ZNF671: variants seen among roughly 807,000 people sequenced by gnomAD.
The protein encoded by ZNF671 is hypothetical protein FLJ23506.
A neutral mutation model predicts 16.6 loss-of-function variants in ZNF671; 19 were observed. That is an observed-to-expected ratio of 1.14 (90% CI 0.80 to 1.68). The LOEUF (loss-of-function observed/expected upper bound fraction) is 1.68. Among genes scored for constraint, ZNF671 ranks in the 40% most tolerant of loss-of-function variants. The pLI is 0.00. For missense variants in ZNF671, 637 were observed against 659.8 expected (o/e 0.97, Z 0.38); for synonymous variants, 238 against 236.3 (o/e 1.01, Z -0.06).
intron 1 of ZNF671, among the ~76,000 whole-genome samples, chr19:57,725,309 CA>C (rs2122468756): frequency 6.6e-6 from 1 of 151,028 alleles, no homozygotes; most frequent in East Asian, 2.0e-4. Context: ...ACCAAAAATA[CA>C]AACAAATTAG....
At chr19:57,727,232 C>G in intron 1 of ZNF671, 159 bp downstream of exon 1, 1 of 1,063,312 alleles carries the variant, frequency 9.4e-7, no homozygotes. Flanking sequence ...CCTTTACCTG[C>G]GCCGTCCCCT....
Position 57,721,385 on chromosome 19 carries a change from A to G in ZNF671, c.701T>C (p.Val234Ala), listed in dbSNP as rs759149305. 6.2e-7 allele frequency: 1 copy of G among 1,614,062 alleles called. No homozygotes were observed. Among genetic ancestry groups the G allele is most frequent in the Non-Finnish European group, 8.5e-7 (1 of 1,179,996 alleles). The stretch of plus-strand genomic sequence containing the variant: ...TGTGAGGGTCTTCTCTGGCACATGG[A>G]CTCTGCAGCTTTTCACAGAGTCTCT... ...EGRDSVKSCR[V>A]HVPEKTLTCG... The change falls in exon 4 of 4, where the codon GTC (valine) becomes GCC (alanine). Residue 234 changes from valine (V) to alanine (A), a missense_variant. Coordinates refer to ENST00000317398, the MANE Select transcript of ZNF671 (RefSeq NM_024833.3).
chr19:57,723,135 A>C (rs1395538609), intron 2 of ZNF671, 79 bp downstream of exon 2: 1 of 1,512,132 alleles, frequency 6.6e-7, no homozygotes. Context: ...ACTCCAGGAA[A>C]CTGGTGAAGG....
At position 57,720,202 on chromosome 19, in the gene ZNF671, T is replaced by C. The variant is rs1297954448; in HGVS notation, c.*279A>G. The stretch of plus-strand genomic sequence containing the variant: ...TCACAGGGAATCTCCCCAGTGGGAA[T>C]GTCCATATCTATGAAGTTTCACTTC... On this transcript the variant is annotated 3_prime_UTR_variant, in exon 4 of 4. Transcript: ENST00000317398. 5 of 463,268 alleles carry C rather than the reference T, an allele frequency of 1.1e-5. No individual in the cohort carries two copies. The highest frequency in any genetic ancestry group is 6.8e-5 in the Admixed American group (2 of 29,590). The allele number at this position is 463,268 out of a possible 1,614,324, so 28.7% of individuals were successfully genotyped here. A position where few individuals can be genotyped will look rare whatever the true frequency, so the allele number is the denominator to read the frequency against.
intron 2 of ZNF671, 51 bp from the exon 3 acceptor site, chr19:57,722,489 C>T: frequency 6.2e-7 from 1 of 1,605,698 alleles, no homozygotes; most frequent in Non-Finnish European, 8.5e-7. Context: ...CATGGCAAAC[C>T]ACCCTATGAT....
rs144883478 is a variant in ZNF671, at chr19:57,720,461, C to T, written c.*20G>A. The T allele has an allele frequency of 3.8e-3, 6,075 of 1,602,962 alleles. 19 individuals carry two copies. Among genetic ancestry groups the T allele is most frequent in the Middle Eastern group, 0.015 (88 of 6,018 alleles). On this transcript the variant is annotated 3_prime_UTR_variant, in exon 4 of 4. Transcript: ENST00000317398. ...GTCAGGGGCATTGGCCTAAGACTTTCCCCCACATTTGCTACACTCTTAAAG... is the reference window on the plus strand; with the variant it reads ...GTCAGGGGCATTGGCCTAAGACTTTTCCCCACATTTGCTACACTCTTAAAG...
Position 57,721,071 on chromosome 19 carries a change from T to C in ZNF671, c.1015A>G (p.Arg339Gly), listed in dbSNP as rs754399102. ...FKHQTVHTGE[R>G]PYECSECGKF... ...CCACATTCGCTGCACTCGTATGGCC[T>C]TTCTCCAGTGTGAACTGTCTGGTGT... The change falls in exon 4 of 4, where the codon AGG becomes GGG. Residue 339 changes from arginine (R) to glycine (G), a missense_variant. Transcript: ENST00000317398. The C allele has an allele frequency of 7.4e-6, 12 of 1,614,218 alleles. No homozygotes were observed. The highest frequency in any genetic ancestry group is 1.3e-5 in the African/African-American group (1 of 75,070).
At chr19:57,724,011 T>G (rs1457625812) in intron 1 of ZNF671, among the ~76,000 whole-genome samples, 1 of 143,234 alleles carries the variant, frequency 7.0e-6, no homozygotes, top group African/African-American at 2.6e-5. Flanking sequence ...GCTACTACAC[T>G]CCAGTCTGGC....
In ZNF671 at chr19:57,721,627, C is replaced by G. The variant is rs371390130; in HGVS notation, c.459G>C (p.Glu153Asp). The G allele has an allele frequency of 3.1e-6, 5 of 1,614,082 alleles. No homozygotes were observed. The highest frequency in any genetic ancestry group is 2.2e-5 in the East Asian group (1 of 44,898). ...EQSIFVAGVS[E>D]VRTLMAELES... ...CCAGCTCTGCCATGAGAGTCCTGAC[C>G]TCTGACACTCCTGCTACAAAAATGC... The change falls in exon 4 of 4, where the codon GAG (glutamate) becomes GAC (aspartate). Residue 153 changes from glutamate (E) to aspartate (D), a missense_variant. Glu to Asp is a conservative substitution (Grantham distance 45, BLOSUM62 2). Coordinates refer to ENST00000317398, the MANE Select transcript of ZNF671 (RefSeq NM_024833.3).
At chr19:57,725,828 G>C (rs1050532686) in intron 1 of ZNF671, among the ~76,000 whole-genome samples, 1 of 151,262 alleles carries the variant, frequency 6.6e-6, no homozygotes, top group African/African-American at 2.4e-5. Flanking sequence ...CAGCTACTGG[G>C]AAAACTGAGG....
intron 3 of ZNF671, 28 bp downstream of exon 3, chr19:57,722,288 A>T: frequency 6.2e-7 from 1 of 1,612,526 alleles, no homozygotes; most frequent in Non-Finnish European, 8.5e-7. Flanking sequence ...CAGCTTTGAC[A>T]TCGTGCCCTT....
Position 57,721,369 on chromosome 19 carries a change from C to G in ZNF671, c.717G>C (p.Lys239Asn). Residue 239 changes from lysine to asparagine, a missense_variant, in exon 4 of 4, where the codon AAG (lysine) becomes AAC (asparagine). By Grantham distance (94) the Lys-to-Asn change is moderately conservative (BLOSUM62 0). Transcript: ENST00000317398. ...TCCTACCTTTCCCACATGTGAGGGTCTTCTCTGGCACATGGACTCTGCAGC... is the reference window on the plus strand; with the variant it reads ...TCCTACCTTTCCCACATGTGAGGGTGTTCTCTGGCACATGGACTCTGCAGC... ...VKSCRVHVPE[K>N]TLTCGKGRRD... The G allele has an allele frequency of 6.2e-7, 1 of 1,613,610 alleles. No homozygotes were observed. The highest frequency in any genetic ancestry group is 8.5e-7 in the Non-Finnish European group (1 of 1,179,556).
intron 1 of ZNF671, among the ~76,000 whole-genome samples, chr19:57,726,422 A>G (rs900816575): frequency 1.1e-4 from 17 of 152,106 alleles, no homozygotes; most frequent in Non-Finnish European, 2.2e-4. Context: ...ATCCCAGGCC[A>G]AACTCCTCAT....
Position 57,724,650 on chromosome 19 carries a change from C to T in ZNF671, c.139-1310G>A, listed in dbSNP as rs529479132. ...ACACCATTCTCCTGCCTCAGCCTCC[C>T]GAGTAGCCGGGACTACAGGCGCCCA... On this transcript the variant is annotated intron_variant, in intron 1 of 3. Transcript: ENST00000317398. 5.3e-5 allele frequency among the ~76,000 whole-genome samples: 8 copies of T among 152,152 alleles called. 1 individual carries two copies. The highest frequency in any genetic ancestry group is 2.9e-5 in the Non-Finnish European group (2 of 68,014).
intron 1 of ZNF671, among the ~76,000 whole-genome samples, chr19:57,726,579 G>GA (rs1986056611): frequency 6.6e-6 from 1 of 152,022 alleles, no homozygotes; most frequent in Non-Finnish European, 1.5e-5. Context: ...CCAGAGATAT[G>GA]AAATAACATA....
intron 1 of ZNF671, 67 bp from the exon 2 acceptor site, chr19:57,723,407 C>A: frequency 1.3e-6 from 2 of 1,526,826 alleles, no homozygotes; most frequent in South Asian, 1.3e-5. Flanking sequence ...TCTACCTACC[C>A]ACAACATCCT....
At position 57,722,373 on chromosome 19, in the gene ZNF671, C is replaced by A; in HGVS notation, c.331G>T (p.Asp111Tyr). 1 of 1,614,140 alleles carries A rather than the reference C, an allele frequency of 6.2e-7. No homozygotes were observed. The highest frequency in any genetic ancestry group is 1.1e-5 in the South Asian group (1 of 91,058). ...LERGEEPWVYDQVDMTSATER... is the reference protein window; with the variant it reads ...LERGEEPWVYYQVDMTSATER... ...GTGGCTGAAGTCATATCCACCTGGT[C>A]ATACACCCAGGGCTCTTCTCCTCGC... The change falls in exon 3 of 4, where the codon GAC becomes TAC. Residue 111 changes from aspartate (D) to tyrosine (Y), a missense_variant. By Grantham distance (160) the Asp-to-Tyr change is radical. Transcript: ENST00000317398.
rs777795022 is a variant in ZNF671 at position 57,721,221 on chromosome 19, C to A, written c.865G>T (p.Glu289Ter). 1.9e-6 allele frequency: 3 copies of A among 1,605,742 alleles called. No individual in the cohort carries two copies. The South Asian group carries it at 3.3e-5, about 18-fold the overall frequency. ...TTGCGGGTGAAGGCTTTCCCACATTCACCACACCTGTGATACCTCTGTCCC... is the reference window on the plus strand; with the variant it reads ...TTGCGGGTGAAGGCTTTCCCACATTAACCACACCTGTGATACCTCTGTCCC... ...LMGQRYHRCG[E>*]CGKAFTRKDT... The change falls in exon 4 of 4, where the codon GAA becomes TAA. Residue 289 changes from glutamate to a stop codon, truncating the protein, a stop_gained. Transcript: ENST00000317398. LOFTEE classifies it low-confidence loss of function (END_TRUNC).
At chr19:57,723,739 C>T (rs1568468212) in intron 1 of ZNF671, among the ~76,000 whole-genome samples, 1 of 151,830 alleles carries the variant, frequency 6.6e-6, no homozygotes, top group Non-Finnish European at 1.5e-5. Context: ...CCCTACTGGC[C>T]CACCCCATCT....
Sources: allele counts gnomAD v4.1 joint callset (sites outside exome capture counted in the v4.1 genomes callset), GRCh38; gene constraint gnomAD v4.1.1; transcripts MANE v1.5; gene names NCBI Gene and HGNC (gene_info 2026-07-23, HGNC 2026-07-21).